The following OPHN1 variants were observed in gnomAD, a reference collection of about 807,000 sequenced individuals.
The protein encoded by OPHN1 is oligophrenin 1, also known as oligophrenin-1.
In OPHN1, 11 loss-of-function variants were observed where a neutral mutation model predicts 60.7. The ratio of observed to expected loss-of-function variants is 0.18; its 90% CI spans 0.11 to 0.30. The LOEUF is 0.30. Among genes scored for constraint, OPHN1 ranks in the 10% least tolerant of loss-of-function variants. The pLI is 1.00. For synonymous variants in OPHN1, 226 were observed against 222.6 expected (o/e 1.02, Z -0.14); for missense variants, 449 against 611.0 (o/e 0.73, Z 2.80).
At chrX:68,093,359 A>G (rs2077025609) in intron 19 of OPHN1, among the ~76,000 whole-genome samples, 1 of 112,032 alleles carries the variant, frequency 8.9e-6, no homozygotes, top group South Asian at 3.7e-4. Flanking sequence ...AATGCTTTAA[A>G]TAACTTTTTT....
intron 6 of OPHN1, among the ~76,000 whole-genome samples, chrX:68,218,853 A>G: frequency 1.1e-5 from 1 of 94,427 alleles, no homozygotes; most frequent in Non-Finnish European, 2.1e-5. Flanking sequence ...CATCGAGACT[A>G]GGAAGAAACT....
At chrX:68,227,915 C>G (rs903547520) in intron 6 of OPHN1, among the ~76,000 whole-genome samples, 7 of 110,509 alleles carry the variant, frequency 6.3e-5, no homozygotes, top group African/African-American at 2.3e-4. Flanking sequence ...CAGAGCAGAA[C>G]TGAAGGAGAT....
intron 16 of OPHN1, among the ~76,000 whole-genome samples, chrX:68,114,263 C>T (rs1202592535): frequency 9.0e-6 from 1 of 111,405 alleles, no homozygotes; most frequent in African/African-American, 3.3e-5. Context: ...ATTTAAACCT[C>T]ATAACAACTC....
At chrX:68,139,390 A>G (rs1022690306) in intron 15 of OPHN1, among the ~76,000 whole-genome samples, 1 of 112,117 alleles carries the variant, frequency 8.9e-6, no homozygotes, top group African/African-American at 3.2e-5. Context: ...ATATGATTTT[A>G]GTATGAAATC....
intron 2 of OPHN1, among the ~76,000 whole-genome samples, chrX:68,331,460 G>A (rs999747161): frequency 2.7e-5 from 3 of 109,455 alleles, no homozygotes; most frequent in South Asian, 3.9e-4. Context: ...GGCCAGGTGC[G>A]GTGGCTCAAG....
chrX:68,153,854 T>C (rs1359862), intron 15 of OPHN1, among the ~76,000 whole-genome samples: 31,518 of 111,015 alleles, frequency 0.28, 3,647 homozygotes, highest in African/African-American at 0.4. Context: ...TGGGGATTTA[T>C]GATATAGTGG....
chrX:68,176,191 A>T (rs994729958), intron 15 of OPHN1, among the ~76,000 whole-genome samples: 1 of 112,075 alleles, frequency 8.9e-6, no homozygotes, highest in Admixed American at 9.5e-5. Flanking sequence ...GAAATGCACA[A>T]GAAAGAAAAG....
chrX:68,389,813 A>G (rs974490717), intron 2 of OPHN1, among the ~76,000 whole-genome samples: 1 of 110,479 alleles, frequency 9.1e-6, no homozygotes, highest in African/African-American at 3.3e-5. Flanking sequence ...GGGGATAATA[A>G]TAGCATTTAC....
intron 2 of OPHN1, among the ~76,000 whole-genome samples, chrX:68,346,861 A>G (rs2078381810): frequency 8.9e-6 from 1 of 112,239 alleles, no homozygotes; most frequent in Non-Finnish European, 1.9e-5. Context: ...CATCGTAAAA[A>G]GCTGACAAAG....
intron 9 of OPHN1, among the ~76,000 whole-genome samples, chrX:68,208,542 T>C (rs2077570471): frequency 8.9e-6 from 1 of 112,381 alleles, no homozygotes; most frequent in South Asian, 3.7e-4. Flanking sequence ...ATCTCTCCCA[T>C]CACTTTACAC....
chrX:68,367,702 C>T (rs2078506660), intron 2 of OPHN1, among the ~76,000 whole-genome samples: 1 of 111,324 alleles, frequency 9.0e-6, no homozygotes, highest in African/African-American at 3.3e-5. Context: ...TGTAATAATC[C>T]CCACCTGTCA....
intron 2 of OPHN1, among the ~76,000 whole-genome samples, chrX:68,317,475 G>A (rs1346465443): frequency 1.1e-5 from 1 of 92,587 alleles, no homozygotes; most frequent in Non-Finnish European, 2.1e-5. Flanking sequence ...GGAGGAGGAG[G>A]AGGAAGGGAG....
chrX:68,139,957 T>C (rs1453485496), intron 15 of OPHN1, among the ~76,000 whole-genome samples: 1 of 112,261 alleles, frequency 8.9e-6, no homozygotes, highest in Non-Finnish European at 1.9e-5. Context: ...CTGACACACA[T>C]TCCCAGTGGA....
chrX:68,158,410 A>G (rs1329140804), intron 15 of OPHN1, among the ~76,000 whole-genome samples: 1 of 112,186 alleles, frequency 8.9e-6, no homozygotes, highest in Non-Finnish European at 1.9e-5. Flanking sequence ...GACTGTTATT[A>G]TTACAGTATA....
intron 10 of OPHN1, 33 bp from the exon 11 acceptor site, chrX:68,201,743 TA>T: frequency 1.8e-6 from 2 of 1,119,000 alleles, no homozygotes; most frequent in Non-Finnish European, 1.2e-6. Context: ...AGGCAATTTT[TA>T]AAAAAAGACA....
At chrX:68,073,900 C>T (rs933286152) in intron 19 of OPHN1, among the ~76,000 whole-genome samples, 2 of 112,253 alleles carry the variant, frequency 1.8e-5, no homozygotes, top group African/African-American at 6.5e-5. Context: ...TAATTTCATG[C>T]CATGGTACAT....
At chrX:68,424,524 T>C (rs936165328) in intron 2 of OPHN1, among the ~76,000 whole-genome samples, 5 of 111,888 alleles carry the variant, frequency 4.5e-5, no homozygotes, top group African/African-American at 1.3e-4. Context: ...GAAAAGTGTG[T>C]AACTTTCCAG....
At chrX:68,158,302 G>A (rs1191444205) in intron 15 of OPHN1, among the ~76,000 whole-genome samples, 3 of 112,457 alleles carry the variant, frequency 2.7e-5, no homozygotes, top group Non-Finnish European at 5.6e-5. Context: ...TGGCTGCAGG[G>A]CAGTGACATA....
At chrX:68,139,425 G>T (rs2077233512) in intron 15 of OPHN1, among the ~76,000 whole-genome samples, 1 of 111,788 alleles carries the variant, frequency 8.9e-6, no homozygotes, top group African/African-American at 3.3e-5. Flanking sequence ...CCAAGAAAGT[G>T]GGTGGGAGTA....
Sources: gnomAD v4.1 joint callset for allele counts (sites outside exome capture counted in the v4.1 genomes callset) on GRCh38, gnomAD v4.1.1 for gene constraint, MANE v1.5 for transcripts, NCBI Gene and HGNC (gene_info 2026-07-23, HGNC 2026-07-21) for gene names.